Variants in FRMD8 observed in about 807,000 individuals in gnomAD.
The protein encoded by FRMD8 is FERM domain containing 8.
FRMD8 carries 37 observed loss-of-function variants against 54.2 expected under a neutral mutation model. That is an observed-to-expected ratio of 0.68 (90% CI 0.53 to 0.90). The LOEUF is 0.90. Among genes scored for constraint, FRMD8 ranks in the 40% least tolerant of loss-of-function variants. FRMD8 has a pLI of 0.00. For missense variants in FRMD8, 585 were observed against 653.7 expected, an observed-to-expected ratio of 0.89 and a Z score of 1.15; for synonymous variants, 246 against 286.9, an observed-to-expected ratio of 0.86 and a Z score of 1.44.
At chr11:65,373,377 G>T in the FRMD8 span, among the ~76,000 whole-genome samples, 3 of 152,196 alleles carry the variant, frequency 2.0e-5, no homozygotes, top group Non-Finnish European at 2.9e-5. Flanking sequence ...AGGAGTTCGA[G>T]TCTCTTCCAC....
upstream of FRMD8, among the ~76,000 whole-genome samples, chr11:65,386,260 A>G (rs764832002): frequency 7.9e-5 from 12 of 152,094 alleles, no homozygotes; most frequent in Non-Finnish European, 1.2e-4. Flanking sequence ...CACTGCCGAG[A>G]GCGCCACGGT....
intron 9 of FRMD8, among the ~76,000 whole-genome samples, chr11:65,401,127 T>C (rs911121622): frequency 6.6e-6 from 1 of 152,048 alleles, no homozygotes; most frequent in African/African-American, 2.4e-5. Flanking sequence ...GTTGAGGGCT[T>C]GCTGAGTGCT....
intron 3 of FRMD8, among the ~76,000 whole-genome samples, chr11:65,392,191 C>T (rs771012309): frequency 2.0e-5 from 3 of 152,002 alleles, no homozygotes; most frequent in South Asian, 4.2e-4. Flanking sequence ...AATGTTGGGA[C>T]GAGAAAGGGC....
At chr11:65,387,443 C>T (rs1423146366) in intron 2 of FRMD8, among the ~76,000 whole-genome samples, 1 of 151,864 alleles carries the variant, frequency 6.6e-6, no homozygotes, top group Non-Finnish European at 1.5e-5. Context: ...GGTGGGCAGA[C>T]CACATGTGCC....
intron 10 of FRMD8, among the ~76,000 whole-genome samples, chr11:65,407,164 G>A (rs1272646416): frequency 6.6e-6 from 1 of 151,934 alleles, no homozygotes; most frequent in Non-Finnish European, 1.5e-5. Context: ...CACCTTTACA[G>A]CTTTCCTAGA....
At chr11:65,408,781 T>A (rs1856265175) in intron 10 of FRMD8, among the ~76,000 whole-genome samples, 1 of 152,022 alleles carries the variant, frequency 6.6e-6, no homozygotes, top group Admixed American at 6.6e-5. Context: ...GGCTAATTTT[T>A]AAATTCTTTG....
At chr11:65,381,052 C>T in the FRMD8 span, 1 of 155,208 alleles carries the variant, frequency 6.4e-6, no homozygotes, top group Admixed American at 6.4e-5. Context: ...CACCCTCCCA[C>T]CTGTGCCTTC....
At position 65,404,717 on chromosome 11, in the gene FRMD8, C is replaced by A; in HGVS notation, c.1072-147C>A. The A allele has an allele frequency of 1.5e-6, 1 of 659,786 alleles. No individual in the cohort carries two copies. The highest frequency in any genetic ancestry group is 1.9e-5 in the South Asian group (1 of 52,432). 40.9% of individuals were successfully genotyped at this position (659,786 alleles called of 1,614,324 possible). On this transcript the variant is annotated intron_variant, in intron 9 of 10. Coordinates refer to ENST00000317568, the MANE Select transcript of FRMD8 (RefSeq NM_031904.5). This position sits in a 1 kb window ranked among gnomAD's most constrained non-coding sequence, Gnocchi z 4.7. ...CCTTCACAGTCACCCAAGTGGGACA[C>A]CTCCCCTGCCTCCCTGCTCCCTCCC...
intron 8 of FRMD8, 41 bp downstream of exon 8, chr11:65,399,900 G>C: frequency 6.3e-7 from 1 of 1,583,142 alleles, no homozygotes; most frequent in South Asian, 1.2e-5. Flanking sequence ...GGATGGGAGG[G>C]GGCTCCTGAC....
the FRMD8 span, among the ~76,000 whole-genome samples, chr11:65,372,622 T>C: frequency 6.6e-6 from 1 of 152,158 alleles, no homozygotes; most frequent in Admixed American, 6.5e-5. Context: ...TTGTTGTTGT[T>C]TTGAGTTTAG....
the FRMD8 span, chr11:65,379,683 G>A: frequency 3.2e-6 from 4 of 1,264,168 alleles, no homozygotes; most frequent in Admixed American, 2.4e-5. Flanking sequence ...GGGAAGTGGG[G>A]ACAGGCAGGG....
intron 6 of FRMD8, among the ~76,000 whole-genome samples, chr11:65,395,564 G>A (rs1235511917): frequency 2.0e-5 from 3 of 152,066 alleles, no homozygotes; most frequent in Non-Finnish European, 2.9e-5. Flanking sequence ...AGGACTGAGC[G>A]CTCCAACTGC....
chr11:65,379,535 G>A, the FRMD8 span: 2 of 1,611,354 alleles, frequency 1.2e-6, no homozygotes, highest in African/African-American at 1.3e-5. Flanking sequence ...CAATGGGGAA[G>A]CTCATTCCCT....
the FRMD8 span, chr11:65,378,476 C>CT: frequency 2.0e-5 from 3 of 152,204 alleles, no homozygotes; most frequent in African/African-American, 7.2e-5. Flanking sequence ...GGCCACTTAG[C>CT]TTAGGGCTTC....
At chr11:65,377,537 C>T in the FRMD8 span, 1 of 500,416 alleles carries the variant, frequency 2.0e-6, no homozygotes, top group Non-Finnish European at 2.6e-6. Context: ...TCTCCTGCGC[C>T]CACCTCTCAG....
the FRMD8 span, chr11:65,379,460 C>T: frequency 8.7e-6 from 14 of 1,613,920 alleles, no homozygotes; most frequent in South Asian, 4.4e-5. Context: ...GGGAGGTGGC[C>T]GTGAGCACCA....
chr11:65,377,351 T>G, the FRMD8 span: 1 of 1,323,292 alleles, frequency 7.6e-7, no homozygotes, highest in Non-Finnish European at 9.6e-7. Context: ...CAGCAGGCAC[T>G]CAGAACAAGC....
chr11:65,390,095 G>A (rs1193910943), intron 3 of FRMD8, among the ~76,000 whole-genome samples: 1 of 152,162 alleles, frequency 6.6e-6, no homozygotes, highest in Non-Finnish European at 1.5e-5. Context: ...GGCTCTTAGT[G>A]AGGGTGGGAA....
Position 65,404,920 on chromosome 11 carries a change from G to A in FRMD8, c.1128G>A (p.Glu376=), listed in dbSNP as rs1159782295. The change falls in exon 10 of 11, where the codon GAG becomes GAA. Residue 376 remains glutamate (E), a synonymous_variant. Coordinates refer to ENST00000317568, the MANE Select transcript of FRMD8 (RefSeq NM_031904.5). The surrounding 1 kb of genome is among the most constrained non-coding windows in gnomAD (Gnocchi z 4.7). ...EYCIELSQAA[E]PAGPQDSATG... is the part of the protein sequence containing the mutation. ...GCATCGAACTGAGCCAGGCGGCGGA[G>A]CCCGCAGGCCCCCAGGACAGTGCGA... The A allele has an allele frequency of 1.2e-6, 2 of 1,613,278 alleles. No homozygotes were observed. Among genetic ancestry groups the A allele is most frequent in the South Asian group, 1.1e-5 (1 of 91,080 alleles).
Sources: allele counts gnomAD v4.1 joint callset (sites outside exome capture counted in the v4.1 genomes callset), GRCh38; gene constraint gnomAD v4.1.1; non-coding constraint Gnocchi (gnomAD v3.1); transcripts MANE v1.5; gene names NCBI Gene and HGNC (gene_info 2026-07-23, HGNC 2026-07-21).